NT5DC1: variants seen among roughly 807,000 people sequenced by gnomAD.
NT5DC1 encodes the protein 5'-nucleotidase domain-containing protein 1.
Under a neutral mutation model 59.4 loss-of-function variants are expected in NT5DC1, and 42 were observed. That is an observed-to-expected ratio of 0.71 (90% CI 0.55 to 0.92). The LOEUF is 0.92. Ranked by LOEUF, NT5DC1 falls within the 40% of genes least tolerant of loss-of-function variation. NT5DC1 has a pLI of 0.00. For missense variants in NT5DC1, 501 were observed against 537.1 expected (o/e 0.93, Z 0.66); for synonymous variants, 172 against 188.1 (o/e 0.91, Z 0.70).
intron 6 of NT5DC1, chr6:116,125,909 A>G (rs1562127749): frequency 6.2e-6 from 1 of 161,272 alleles, no homozygotes; most frequent in Non-Finnish European, 1.4e-5. Context: ...ATGCAAAAAG[A>G]ACTTTTGGAG....
chr6:116,232,510 T>C (rs1782037579), intron 8 of NT5DC1, among the ~76,000 whole-genome samples: 1 of 130,172 alleles, frequency 7.7e-6, no homozygotes, highest in Non-Finnish European at 1.5e-5. Context: ...AACATGTAAA[T>C]ATATTACTGA....
intron 6 of NT5DC1, among the ~76,000 whole-genome samples, chr6:116,185,941 A>G (rs1582860991): frequency 6.6e-6 from 1 of 151,750 alleles, no homozygotes; most frequent in African/African-American, 2.4e-5. Context: ...GATTTTTTTC[A>G]TTGTATTGTT....
intron 1 of NT5DC1, 46 bp from the exon 2 acceptor site, chr6:116,106,198 A>G: frequency 1.1e-6 from 1 of 912,010 alleles, no homozygotes; most frequent in South Asian, 1.3e-5. Context: ...TTAAGAATGA[A>G]TAGTGGGTGT....
chr6:116,229,792 C>CCT (rs150325214), intron 8 of NT5DC1, among the ~76,000 whole-genome samples: 4 of 151,214 alleles, frequency 2.6e-5, no homozygotes, highest in Admixed American at 6.6e-5. Context: ...CTCTGTCTCT[C>CCT]CTCTCTCTCT....
intron 6 of NT5DC1, among the ~76,000 whole-genome samples, chr6:116,217,977 A>G (rs1163702989): frequency 6.6e-6 from 1 of 152,182 alleles, no homozygotes. Context: ...TTTCTCCATG[A>G]CAGTGATCTT....
chr6:116,233,470 C>T (rs1248281156), intron 8 of NT5DC1, among the ~76,000 whole-genome samples: 2 of 152,124 alleles, frequency 1.3e-5, no homozygotes, highest in African/African-American at 4.8e-5. Flanking sequence ...GAGAATTGTT[C>T]GTTTGCGGGT....
rs1400924775 is a variant in NT5DC1, at chr6:116,248,270, T to C, written c.*4246T>C. 1 of 152,198 alleles carries C rather than the reference T, an allele frequency of 6.6e-6. No individual in the cohort carries two copies. The highest frequency in any genetic ancestry group is 1.5e-5 in the Non-Finnish European group (1 of 68,024). The allele number at this position is 152,198 out of a possible 1,614,324, so 9.4% of individuals were successfully genotyped here. ...TTCTCAACTATTTAAATGGAAATAA[T>C]AAAACTTGTGTTACAAGGATTATCA... is the stretch of plus-strand genomic sequence containing the variant. On this transcript the variant is annotated 3_prime_UTR_variant, in exon 12 of 12. Transcript: ENST00000319550.
chr6:116,243,036 T>C (rs1159002688), intron 11 of NT5DC1, among the ~76,000 whole-genome samples: 1 of 152,230 alleles, frequency 6.6e-6, no homozygotes, highest in African/African-American at 2.4e-5. Context: ...CTTGGTTGCC[T>C]CTTTAGCTCT....
intron 6 of NT5DC1, among the ~76,000 whole-genome samples, chr6:116,196,345 C>T (rs1259553130): frequency 6.6e-6 from 1 of 152,000 alleles, no homozygotes; most frequent in South Asian, 2.1e-4. Flanking sequence ...GCTCTAACTA[C>T]AGCAACAAAA....
intron 6 of NT5DC1, among the ~76,000 whole-genome samples, chr6:116,162,588 A>G (rs1025844861): frequency 2.6e-5 from 4 of 152,090 alleles, no homozygotes; most frequent in Non-Finnish European, 5.9e-5. Context: ...ATTGATTTGC[A>G]TATGTTGAAC....
intron 8 of NT5DC1, among the ~76,000 whole-genome samples, chr6:116,228,439 C>G (rs1781949058): frequency 6.6e-6 from 1 of 151,866 alleles, no homozygotes; most frequent in African/African-American, 2.4e-5. Context: ...ACCTGGGAGG[C>G]AGAGGTTGCG....
chr6:116,106,208 T>G, intron 1 of NT5DC1, 36 bp from the exon 2 acceptor site: 1 of 984,392 alleles, frequency 1.0e-6, no homozygotes, highest in Non-Finnish European at 1.6e-6. Flanking sequence ...ATAGTGGGTG[T>G]TATATTTAAT....
At chr6:116,195,660 T>G (rs1781207094) in intron 6 of NT5DC1, among the ~76,000 whole-genome samples, 1 of 152,066 alleles carries the variant, frequency 6.6e-6, no homozygotes, top group Non-Finnish European at 1.5e-5. Context: ...AGCTTTTAAA[T>G]TTTTGGTTGG....
intron 6 of NT5DC1, among the ~76,000 whole-genome samples, chr6:116,194,837 G>A (rs1330045879): frequency 6.6e-6 from 1 of 151,976 alleles, no homozygotes; most frequent in Admixed American, 6.6e-5. Flanking sequence ...TCTATTATAA[G>A]ACACTCTACA....
At position 116,239,707 on chromosome 6, in the gene NT5DC1, C is replaced by T. The variant is rs183348061; in HGVS notation, c.1252+584C>T. On this transcript the variant is annotated intron_variant, in intron 11 of 11. Coordinates refer to ENST00000319550, the MANE Select transcript of NT5DC1 (RefSeq NM_152729.3). ...AGATTTCAGATTATTAGTGCCCCTG[C>T]ACACCTGGTAGAAACAAATATAGAT... 4.6e-4 allele frequency among the ~76,000 whole-genome samples: 70 copies of T among 152,300 alleles called. 1 individual carries two copies. The highest frequency in any genetic ancestry group is 4.1e-3 in the Admixed American group (63 of 15,304).
intron 6 of NT5DC1, among the ~76,000 whole-genome samples, chr6:116,183,100 A>C (rs972677801): frequency 2.2e-4 from 34 of 152,238 alleles, no homozygotes; most frequent in African/African-American, 8.2e-4. Flanking sequence ...GTGGCTTGTC[A>C]GTTGTCCCTG....
chr6:116,101,147 A>G (rs1778639881), intron 1 of NT5DC1, 124 bp downstream of exon 1: 1 of 670,114 alleles, frequency 1.5e-6, no homozygotes, highest in Non-Finnish European at 2.4e-6. Context: ...GTCTTGCCGC[A>G]GAGCGCGGCC....
At chr6:116,190,382 T>C (rs997892306) in intron 6 of NT5DC1, among the ~76,000 whole-genome samples, 5 of 151,972 alleles carry the variant, frequency 3.3e-5, no homozygotes, top group Non-Finnish European at 7.4e-5. Context: ...GCAAAATAAG[T>C]TGTTTTGTTA....
intron 6 of NT5DC1, among the ~76,000 whole-genome samples, chr6:116,141,759 GTT>G (rs556953268): frequency 1.4e-5 from 2 of 138,438 alleles, no homozygotes; most frequent in Non-Finnish European, 1.6e-5. Flanking sequence ...TTCTTCTTTT[GTT>G]TTTTTTTTTT....
Sources: allele counts gnomAD v4.1 joint callset (sites outside exome capture counted in the v4.1 genomes callset), GRCh38; gene constraint gnomAD v4.1.1; transcripts MANE v1.5; gene names NCBI Gene and HGNC (gene_info 2026-07-23, HGNC 2026-07-21).